Variants in CCBE1 observed in about 807,000 individuals in gnomAD.
CCBE1 encodes the protein collagen and calcium-binding EGF domain-containing protein 1.
CCBE1 carries 37 observed loss-of-function variants against 50.0 expected under a neutral mutation model. The ratio of observed to expected loss-of-function variants is 0.74; its 90% CI spans 0.57 to 0.97. CCBE1 has a LOEUF of 0.97. Among genes scored for constraint, CCBE1 ranks in the 50% least tolerant of loss-of-function variants. The pLI, the probability that CCBE1 is intolerant of heterozygous loss-of-function variation, is 0.00. For synonymous variants in CCBE1, 234 were observed against 203.7 expected (o/e 1.15, Z -1.27); for missense variants, 538 against 523.8 (o/e 1.03, Z -0.26).
chr18:59,475,432 T>C (rs1399434614), intron 3 of CCBE1, among the ~76,000 whole-genome samples: 4 of 152,250 alleles, frequency 2.6e-5, no homozygotes, highest in Non-Finnish European at 5.9e-5. Context: ...CCTTGAGACT[T>C]ATCTGTAAGT....
chr18:59,585,042 C>G (rs569732285), intron 2 of CCBE1, among the ~76,000 whole-genome samples: 2 of 152,100 alleles, frequency 1.3e-5, no homozygotes, highest in East Asian at 1.9e-4. Flanking sequence ...GCTTGCAAGA[C>G]GCACCATGGC....
In CCBE1 at chr18:59,613,191, G is replaced by C. The variant is rs761791038; in HGVS notation, c.212+83438C>G. On this transcript the variant is annotated intron_variant, in intron 2 of 10. Transcript: ENST00000439986. ...ACCAGCTGCAGGGCATGGATGGGGT[G>C]GGGGGTGGTAGAGGATAACTACGCA... is the stretch of plus-strand genomic sequence containing the variant. Among the ~76,000 whole-genome samples, 33 of 152,104 alleles carry C rather than the reference G, an allele frequency of 2.2e-4. No individual in the cohort carries two copies. The South Asian group carries it at 4.2e-3, about 19-fold the overall frequency.
chr18:59,640,981 A>G (rs10445539), intron 2 of CCBE1, among the ~76,000 whole-genome samples: 68,179 of 151,504 alleles, frequency 0.45, 16,922 homozygotes, highest in Non-Finnish European at 0.56. Flanking sequence ...AAAATAACTG[A>G]TGCTGGTGAG....
At chr18:59,639,794 A>G (rs901037081) in intron 2 of CCBE1, among the ~76,000 whole-genome samples, 6 of 152,208 alleles carry the variant, frequency 3.9e-5, no homozygotes, top group African/African-American at 1.4e-4. Context: ...GCAAAGTTTC[A>G]GGATAGAAAA....
At position 59,493,620 on chromosome 18, in the gene CCBE1, A is replaced by G. The variant is rs193188463; in HGVS notation, c.213-13382T>C. Among the ~76,000 whole-genome samples the G allele has an allele frequency of 7.2e-4, 110 of 152,274 alleles. 1 individual carries two copies. The highest frequency in any genetic ancestry group is 6.3e-3 in the Admixed American group (97 of 15,292). On this transcript the variant is annotated intron_variant, in intron 2 of 10. Transcript: ENST00000439986. ...TTAAAATTAGTAGCTAAGCCAGGACATGAGCCCAGGCTGCTGGGCTCCAGA... is the reference window on the plus strand; with the variant it reads ...TTAAAATTAGTAGCTAAGCCAGGACGTGAGCCCAGGCTGCTGGGCTCCAGA...
chr18:59,466,283 C>T (rs8095412), intron 5 of CCBE1, among the ~76,000 whole-genome samples: 52,608 of 151,662 alleles, frequency 0.35, 10,446 homozygotes, highest in East Asian at 0.89. Context: ...ATTCTCATGA[C>T]AGTGTATAAG....
At chr18:59,606,888 G>C (rs1218172652) in intron 2 of CCBE1, among the ~76,000 whole-genome samples, 1 of 152,078 alleles carries the variant, frequency 6.6e-6, no homozygotes. Context: ...GTGCTTTCTT[G>C]GTTCATGCTT....
intron 7 of CCBE1, among the ~76,000 whole-genome samples, chr18:59,441,627 AGAT>A (rs1413257091): frequency 6.6e-6 from 1 of 152,216 alleles, no homozygotes; most frequent in Non-Finnish European, 1.5e-5. Context: ...CTGTTGGAAA[AGAT>A]AAACAGTGTG....
At chr18:59,556,790 G>A (rs142497310) in intron 2 of CCBE1, among the ~76,000 whole-genome samples, 13 of 152,268 alleles carry the variant, frequency 8.5e-5, no homozygotes, top group African/African-American at 2.2e-4. Flanking sequence ...GAGGTATTCC[G>A]TACAAGTCAA....
chr18:59,532,689 T>C (rs1374857874), intron 2 of CCBE1, among the ~76,000 whole-genome samples: 2 of 152,240 alleles, frequency 1.3e-5, no homozygotes, highest in East Asian at 1.9e-4. Flanking sequence ...TTAACTTGGA[T>C]TAATTATAAT....
chr18:59,481,934 G>A (rs564851477), intron 2 of CCBE1, among the ~76,000 whole-genome samples: 19 of 152,234 alleles, frequency 1.2e-4, no homozygotes, highest in South Asian at 6.2e-4. Flanking sequence ...CATGTGCAGC[G>A]CGTGCAGGTT....
intron 2 of CCBE1, among the ~76,000 whole-genome samples, chr18:59,556,594 G>A (rs1328230286): frequency 1.3e-5 from 2 of 152,162 alleles, no homozygotes; most frequent in African/African-American, 4.8e-5. Context: ...GGCAGGCAAT[G>A]ACCTGTGTGA....
At chr18:59,477,151 G>C (rs1169665228) in intron 3 of CCBE1, among the ~76,000 whole-genome samples, 1 of 152,214 alleles carries the variant, frequency 6.6e-6, no homozygotes, top group East Asian at 1.9e-4. Context: ...TGTTCTAGCT[G>C]GGGTGACTGA....
intron 2 of CCBE1, among the ~76,000 whole-genome samples, chr18:59,651,074 G>A (rs896756227): frequency 1.3e-5 from 2 of 152,094 alleles, no homozygotes; most frequent in African/African-American, 4.8e-5. Flanking sequence ...TATAGGGTGG[G>A]ATTTCTTAAT....
At chr18:59,656,492 G>A (rs1464108643) in intron 2 of CCBE1, among the ~76,000 whole-genome samples, 1 of 152,092 alleles carries the variant, frequency 6.6e-6, no homozygotes, top group African/African-American at 2.4e-5. Flanking sequence ...AAGTGGAAGG[G>A]GGTTAATTTA....
chr18:59,597,566 G>GTAA (rs2053371211), intron 2 of CCBE1, among the ~76,000 whole-genome samples: 1 of 152,086 alleles, frequency 6.6e-6, no homozygotes, highest in Admixed American at 6.6e-5. Context: ...AAAAAAAGTA[G>GTAA]TAGTAGTAGT....
chr18:59,445,631 G>C (rs1441122051), intron 7 of CCBE1, among the ~76,000 whole-genome samples: 4 of 152,084 alleles, frequency 2.6e-5, no homozygotes, highest in Non-Finnish European at 5.9e-5. Flanking sequence ...AAAAGCAGTC[G>C]ATGTTCCATC....
At chr18:59,436,975 A>G (rs142593661) in intron 10 of CCBE1, among the ~76,000 whole-genome samples, 2,059 of 152,314 alleles carry the variant, frequency 0.014, 50 homozygotes, top group Middle Eastern at 0.014. Context: ...CTGTCTCAAA[A>G]AAAACAATGC....
chr18:59,679,085 G>C (rs1404081660), intron 2 of CCBE1, among the ~76,000 whole-genome samples: 9 of 152,126 alleles, frequency 5.9e-5, no homozygotes, highest in South Asian at 4.1e-4. Context: ...AACTGCCTTT[G>C]AGGTGAAGTA....
Sources: gnomAD v4.1 joint callset for allele counts (sites outside exome capture counted in the v4.1 genomes callset) on GRCh38, gnomAD v4.1.1 for gene constraint, MANE v1.5 for transcripts, NCBI Gene and HGNC (gene_info 2026-07-23, HGNC 2026-07-21) for gene names.